BAHCC1: variants seen among roughly 807,000 people sequenced by gnomAD.
BAHCC1 encodes BAH and coiled-coil domain-containing protein 1.
A neutral mutation model predicts 88.2 loss-of-function variants in BAHCC1; 43 were observed. That is an observed-to-expected ratio of 0.49 (90% confidence interval 0.38 to 0.63). The LOEUF (loss-of-function observed/expected upper bound fraction) is 0.63. BAHCC1 is among the 20% of genes least tolerant of loss of function. BAHCC1 has a pLI of 0.00. For missense variants in BAHCC1, 3,023 were observed against 1,654.8 expected, an observed-to-expected ratio of 1.83 and a Z score of -14.34; for synonymous variants, 1,510 against 745.5, an observed-to-expected ratio of 2.03 and a Z score of -16.71.
chr17:81,396,536 C>T (rs1555644939), intron 1 of BAHCC1: 1 of 152,202 alleles, frequency 6.6e-6, no homozygotes, highest in African/African-American at 2.4e-5. Context: ...ACTCGCGCCC[C>T]AAGGCGCGCC....
chr17:81,411,576 A>G lies in BAHCC1; in HGVS notation c.178+11659A>G. ...CCTTCCTTCCTTCCTTCCTTCCTTG[A>G]GAGGCCTCTCTACCCAGCACCCACG... is the stretch of plus-strand genomic sequence containing the variant. On this transcript the variant is annotated intron_variant, in intron 2 of 27. Coordinates refer to ENST00000675386, the MANE Select transcript of BAHCC1 (RefSeq NM_001377448.1). This position sits in a 1 kb window ranked among gnomAD's most constrained non-coding sequence, Gnocchi z 6.2. 1 of 386,596 alleles carries G rather than the reference A, an allele frequency of 2.6e-6. No homozygotes were observed. Among genetic ancestry groups the G allele is most frequent in the Non-Finnish European group, 5.1e-6 (1 of 197,000 alleles). The allele number at this position is 386,596 out of a possible 1,614,324, so 23.9% of individuals were successfully genotyped here.
Position 81,458,394 on chromosome 17 carries a change from G to T in BAHCC1, c.5271G>T (p.Glu1757Asp). 1.3e-6 allele frequency: 1 copy of T among 742,398 alleles called. No individual in the cohort carries two copies. Among genetic ancestry groups the T allele is most frequent in the East Asian group, 2.5e-5 (1 of 39,544 alleles). The allele number at this position is 742,398 out of a possible 1,614,324, so 46.0% of individuals were successfully genotyped here. A position where few individuals can be genotyped will look rare whatever the true frequency, so the allele number is the denominator to read the frequency against. ...NPSRAFACRE[E>D]GSQLASERLK... ...CTCGGGCCTTCGCCTGCCGTGAGGA[G>T]GGCAGCCAGCTGGCCAGTGAGCGCC... The change falls in exon 18 of 28, where the codon GAG (glutamate) becomes GAT (aspartate). Residue 1757 changes from glutamate to aspartate, a missense_variant. Transcript: ENST00000675386.
At chr17:81,417,162 C>T (rs1304514627) in intron 2 of BAHCC1, among the ~76,000 whole-genome samples, 2 of 152,170 alleles carry the variant, frequency 1.3e-5, no homozygotes, top group African/African-American at 4.8e-5. Flanking sequence ...CGTGCGTGTG[C>T]CCCTGACATC....
intron 2 of BAHCC1, among the ~76,000 whole-genome samples, chr17:81,418,512 C>T (rs2064064123): frequency 6.6e-6 from 1 of 152,086 alleles, no homozygotes. Flanking sequence ...GATCTGAGGC[C>T]CCCCTCTACC....
chr17:81,407,258 C>T (rs2063892192), intron 2 of BAHCC1: 1 of 500,822 alleles, frequency 2.0e-6, no homozygotes, highest in African/African-American at 2.0e-5. Context: ...GCTGGGCTCC[C>T]TGAAGCGGAG....
intron 2 of BAHCC1, among the ~76,000 whole-genome samples, chr17:81,412,604 C>T (rs948791524): frequency 3.3e-5 from 5 of 152,152 alleles, no homozygotes; most frequent in East Asian, 3.9e-4. Flanking sequence ...GACTCGTGCA[C>T]GAGGCAGGTC....
chr17:81,411,142 C>G lies in BAHCC1; in HGVS notation c.178+11225C>G, dbSNP rs781942426. ...GTCCTCTGCGTGAGTCCATTCATCA[C>G]GTGCCTGCAGGTGCCTGTGTCCTGT... On this transcript the variant is annotated intron_variant, in intron 2 of 27. Coordinates refer to ENST00000675386, the MANE Select transcript of BAHCC1 (RefSeq NM_001377448.1). This position sits in a 1 kb window ranked among gnomAD's most constrained non-coding sequence, Gnocchi z 6.2. 1.9e-6 allele frequency: 1 copy of G among 519,210 alleles called. No homozygotes were observed. Among genetic ancestry groups the G allele is most frequent in the African/African-American group, 1.9e-5 (1 of 51,940 alleles). 32.2% of individuals were successfully genotyped at this position (519,210 alleles called of 1,614,324 possible).
chr17:81,442,460 G>T lies in BAHCC1; in HGVS notation c.1111G>T (p.Gly371Trp), dbSNP rs781973328. The T allele has an allele frequency of 2.8e-6, 2 of 716,512 alleles. No homozygotes were observed. The highest frequency in any genetic ancestry group is 5.2e-6 in the Non-Finnish European group (2 of 386,654). 44.4% of individuals were successfully genotyped at this position (716,512 alleles called of 1,614,324 possible). A position where few individuals can be genotyped will look rare whatever the true frequency, so the allele number is the denominator to read the frequency against. ...AGSFPCLQLH[G>W]GPDGLCPLQD... is the part of the protein sequence containing the mutation. ...CTCCTTCCCCTGCCTGCAGCTGCAC[G>T]GGGGCCCTGACGGGCTCTGCCCGCT... is the stretch of plus-strand genomic sequence containing the variant. The change falls in exon 5 of 28, where the codon GGG becomes TGG. Residue 371 changes from glycine to tryptophan, a missense_variant. Transcript: ENST00000675386.
intron 14 of BAHCC1, 91 bp from the exon 15 acceptor site, chr17:81,455,176 C>T: frequency 1.5e-6 from 1 of 661,750 alleles, no homozygotes; most frequent in Non-Finnish European, 2.8e-6. Context: ...GAGGGTGACC[C>T]ACAGTGTGAC....
intron 25 of BAHCC1, 27 bp downstream of exon 25, chr17:81,460,733 G>T: frequency 1.3e-6 from 1 of 776,206 alleles, no homozygotes; most frequent in Non-Finnish European, 2.4e-6. Flanking sequence ...CCCAGAATCC[G>T]GATCGGGGAA....
intron 13 of BAHCC1, among the ~76,000 whole-genome samples, 177 bp from the exon 14 acceptor site, chr17:81,452,546 G>A (rs1030456452): frequency 4.6e-5 from 7 of 152,060 alleles, no homozygotes; most frequent in Admixed American, 1.3e-4. Flanking sequence ...AGGTGGGGGC[G>A]GCGGGGGCCC....
At position 81,445,684 on chromosome 17, in the gene BAHCC1, G is replaced by A. The variant is rs1555654168; in HGVS notation, c.3163+3G>A. ...CGACATCATCACATCCGAACCAGGT[G>A]AGAGTAGCCGCCTGGCCCGGCCCAC... On this transcript the variant is annotated splice_donor_region_variant and intron_variant, in intron 10 of 27. Transcript: ENST00000675386. 1.4e-6 allele frequency: 1 copy of A among 725,006 alleles called. No homozygotes were observed. The highest frequency in any genetic ancestry group is 2.0e-5 in the Admixed American group (1 of 51,006). The allele number at this position is 725,006 out of a possible 1,614,324, so 44.9% of individuals were successfully genotyped here. A position where few individuals can be genotyped will look rare whatever the true frequency, so the allele number is the denominator to read the frequency against.
At chr17:81,415,245 T>C (rs1555648429) in intron 2 of BAHCC1, among the ~76,000 whole-genome samples, 1 of 152,244 alleles carries the variant, frequency 6.6e-6, no homozygotes, top group African/African-American at 2.4e-5. Flanking sequence ...GGTTTGCCCA[T>C]GCCTGGCTCG....
chr17:81,420,872 G>A (rs1314241894), intron 2 of BAHCC1, among the ~76,000 whole-genome samples: 1 of 152,256 alleles, frequency 6.6e-6, no homozygotes, highest in African/African-American at 2.4e-5. Flanking sequence ...AGCGGCCCCA[G>A]GCAGGCTCTG....
At chr17:81,437,216 G>A (rs2064348726) in intron 3 of BAHCC1, among the ~76,000 whole-genome samples, 1 of 152,230 alleles carries the variant, frequency 6.6e-6, no homozygotes, top group Non-Finnish European at 1.5e-5. Flanking sequence ...TGCCTCAAAC[G>A]TCTTCTCCTC....
chr17:81,427,808 C>G (rs2064217808), intron 3 of BAHCC1, among the ~76,000 whole-genome samples: 1 of 152,240 alleles, frequency 6.6e-6, no homozygotes, highest in Non-Finnish European at 1.5e-5. Flanking sequence ...TGGCACCCAG[C>G]ACTGCCGTAA....
chr17:81,446,251 A>T (rs1598492821), intron 10 of BAHCC1, among the ~76,000 whole-genome samples: 1 of 151,952 alleles, frequency 6.6e-6, no homozygotes, highest in Non-Finnish European at 1.5e-5. Context: ...GAGCTAGCAG[A>T]GGGTTTTTCC....
At chr17:81,398,454 C>A (rs1400592959) in intron 1 of BAHCC1, among the ~76,000 whole-genome samples, 1 of 152,182 alleles carries the variant, frequency 6.6e-6, no homozygotes, top group African/African-American at 2.4e-5. Context: ...GCTAGAGGGC[C>A]GAGCTGGGCG....
Position 81,451,941 on chromosome 17 carries a change from G to T in BAHCC1, c.4180-30G>T, listed in dbSNP as rs549791455. On this transcript the variant is annotated intron_variant, in intron 12 of 27. Coordinates refer to ENST00000675386, the MANE Select transcript of BAHCC1 (RefSeq NM_001377448.1). ...GAGCCCCAGCCTGGGCCCTGGCCCG[G>T]CTCACAGGCCCCTGTGCCCCCCCCA... 1.6e-4 allele frequency: 103 copies of T among 625,652 alleles called. 1 individual carries two copies. In the South Asian group the frequency reaches 1.8e-3, roughly 11 times the overall value. 38.8% of individuals were successfully genotyped at this position (625,652 alleles called of 1,614,324 possible). A position where few individuals can be genotyped will look rare whatever the true frequency, so the allele number is the denominator to read the frequency against.
Sources: allele counts gnomAD v4.1 joint callset (sites outside exome capture counted in the v4.1 genomes callset), GRCh38; gene constraint gnomAD v4.1.1; non-coding constraint Gnocchi (gnomAD v3.1); transcripts MANE v1.5; gene names NCBI Gene and HGNC (gene_info 2026-07-23, HGNC 2026-07-21).